ATP8A2: variants seen among roughly 807,000 people sequenced by gnomAD.
ATP8A2 encodes the protein phospholipid-transporting ATPase IB.
Under a neutral mutation model 165.6 loss-of-function variants are expected in ATP8A2, and 100 were observed. The observed-to-expected ratio is 0.60, with a 90% CI of 0.51 to 0.71. ATP8A2 has a LOEUF of 0.71. Among genes scored for constraint, ATP8A2 ranks in the 30% least tolerant of loss-of-function variants. The pLI, the probability that ATP8A2 is intolerant of heterozygous loss-of-function variation, is 0.00. For synonymous variants in ATP8A2, 543 were observed against 548.8 expected (o/e 0.99, Z 0.15); for missense variants, 1,227 against 1,479.5 (o/e 0.83, Z 2.80).
intron 24 of ATP8A2, chr13:25,591,303 A>G (rs1014681339): frequency 4.4e-6 from 2 of 455,554 alleles, no homozygotes; most frequent in African/African-American, 4.0e-5. Context: ...TTGAACAACT[A>G]CTCTCCATTC....
At chr13:25,823,288 T>C (rs11841736) in intron 27 of ATP8A2, among the ~76,000 whole-genome samples, 26,441 of 152,174 alleles carry the variant, frequency 0.17, 2,465 homozygotes, top group Middle Eastern at 0.22. Context: ...GAACTTTTAT[T>C]GTATGTTGGG....
chr13:25,553,692 C>T (rs2038891958), intron 11 of ATP8A2, 101 bp from the exon 12 acceptor site: 1 of 1,220,198 alleles, frequency 8.2e-7, no homozygotes, highest in African/African-American at 1.5e-5. Flanking sequence ...CGGTTCCTGA[C>T]ATGCAGGAGG....
At chr13:25,903,041 G>C (rs562200183) in intron 33 of ATP8A2, among the ~76,000 whole-genome samples, 64 of 151,838 alleles carry the variant, frequency 4.2e-4, no homozygotes, top group African/African-American at 1.5e-3. Flanking sequence ...ACTTGAACCT[G>C]GGAGGCGGAG....
chr13:25,488,556 G>A (rs1362294284), intron 2 of ATP8A2, among the ~76,000 whole-genome samples: 2 of 152,124 alleles, frequency 1.3e-5, no homozygotes, highest in Non-Finnish European at 1.5e-5. Context: ...GGGCAACATG[G>A]CAAAACCCTT....
intron 24 of ATP8A2, among the ~76,000 whole-genome samples, chr13:25,650,259 CA>C (rs1390925941): frequency 6.6e-6 from 1 of 152,082 alleles, no homozygotes; most frequent in African/African-American, 2.4e-5. Flanking sequence ...GAGTTTTCAC[CA>C]AGGCGTTCTT....
intron 24 of ATP8A2, among the ~76,000 whole-genome samples, chr13:25,677,300 C>T (rs1054753804): frequency 3.3e-5 from 5 of 152,198 alleles, no homozygotes; most frequent in Non-Finnish European, 5.9e-5. Flanking sequence ...CAGAACATTT[C>T]GAGCATCATA....
chr13:25,789,552 A>C (rs1349613260), intron 27 of ATP8A2, among the ~76,000 whole-genome samples: 1 of 152,170 alleles, frequency 6.6e-6, no homozygotes, highest in East Asian at 1.9e-4. Flanking sequence ...CTACAGTGAG[A>C]AATACAAAAC....
intron 24 of ATP8A2, among the ~76,000 whole-genome samples, chr13:25,621,963 A>G (rs1216553922): frequency 1.3e-5 from 2 of 152,120 alleles, no homozygotes; most frequent in African/African-American, 4.8e-5. Flanking sequence ...ACCTGAGGTC[A>G]GGAGTTTGAG....
At chr13:25,930,175 C>T (rs1249413632) in intron 33 of ATP8A2, among the ~76,000 whole-genome samples, 1 of 152,146 alleles carries the variant, frequency 6.6e-6, no homozygotes, top group Non-Finnish European at 1.5e-5. Context: ...TCCACGCTGA[C>T]ACTCTCCCCT....
chr13:26,007,054 T>C (rs1349427556), intron 35 of ATP8A2, among the ~76,000 whole-genome samples: 1 of 152,100 alleles, frequency 6.6e-6, no homozygotes, highest in Non-Finnish European at 1.5e-5. Flanking sequence ...TACTCCTCTT[T>C]TCTTCTCATT....
At chr13:25,889,668 C>CCT in intron 33 of ATP8A2, among the ~76,000 whole-genome samples, 1 of 152,058 alleles carries the variant, frequency 6.6e-6, no homozygotes, top group South Asian at 2.1e-4. Context: ...GCAGCACTTA[C>CCT]CTCCTGCCTA....
chr13:25,528,721 T>C (rs1258807104), intron 2 of ATP8A2, among the ~76,000 whole-genome samples: 1 of 152,176 alleles, frequency 6.6e-6, no homozygotes, highest in Non-Finnish European at 1.5e-5. Flanking sequence ...GCAGGTTTGT[T>C]ACATATGCAT....
At chr13:25,412,256 G>A (rs148409965) in intron 1 of ATP8A2, among the ~76,000 whole-genome samples, 133 of 152,256 alleles carry the variant, frequency 8.7e-4, no homozygotes, top group African/African-American at 3.1e-3. Flanking sequence ...TTTAATGATG[G>A]GCAGCAGTTT....
chr13:25,808,840 C>A (rs544182694), intron 27 of ATP8A2, among the ~76,000 whole-genome samples: 1 of 152,028 alleles, frequency 6.6e-6, no homozygotes, highest in Admixed American at 6.5e-5. Flanking sequence ...TTAACTTTTA[C>A]AAACCACTGT....
chr13:25,512,516 T>G (rs1371867360), intron 2 of ATP8A2, among the ~76,000 whole-genome samples: 1 of 83,530 alleles, frequency 1.2e-5, no homozygotes, highest in African/African-American at 4.4e-5. Context: ...GGGGCTGACC[T>G]CCCCACCTCC....
At chr13:25,778,542 G>A (rs1252609872) in intron 27 of ATP8A2, among the ~76,000 whole-genome samples, 1 of 152,164 alleles carries the variant, frequency 6.6e-6, no homozygotes, top group Non-Finnish European at 1.5e-5. Flanking sequence ...TACAAAAACC[G>A]CTAGTTTCAC....
chr13:25,590,755 C>G lies in ATP8A2; in HGVS notation c.2211+1056C>G, dbSNP rs1034703626. ...GGTTAATTACTCTTTTAAAGGGAGG[C>G]AATAAAGTACAGAGCTTTCTATACT... On this transcript the variant is annotated intron_variant, in intron 24 of 36. Coordinates refer to ENST00000381655, the MANE Select transcript of ATP8A2 (RefSeq NM_016529.6). Among the ~76,000 whole-genome samples the G allele has an allele frequency of 5.9e-5, 9 of 152,242 alleles. No homozygotes were observed. In the South Asian group the frequency reaches 1.9e-3, roughly 32 times the overall value.
intron 24 of ATP8A2, among the ~76,000 whole-genome samples, chr13:25,663,033 G>T (rs116862394): frequency 6.6e-6 from 1 of 152,332 alleles, no homozygotes; most frequent in East Asian, 1.9e-4. Context: ...ATACCACTAG[G>T]TGATCATCTC....
At chr13:25,890,120 C>G (rs1953312145) in intron 33 of ATP8A2, among the ~76,000 whole-genome samples, 1 of 152,090 alleles carries the variant, frequency 6.6e-6, no homozygotes, top group Non-Finnish European at 1.5e-5. Context: ...CGAGATCGCT[C>G]CACTGCCCTC....
Sources: allele counts gnomAD v4.1 joint callset (sites outside exome capture counted in the v4.1 genomes callset), GRCh38; gene constraint gnomAD v4.1.1; transcripts MANE v1.5; gene names NCBI Gene and HGNC (gene_info 2026-07-23, HGNC 2026-07-21).